Variants in CACNG4 observed in about 807,000 individuals in gnomAD.
The protein encoded by CACNG4 is calcium voltage-gated channel auxiliary subunit gamma 4.
CACNG4 carries 8 observed loss-of-function variants against 22.9 expected under a neutral mutation model. That is an observed-to-expected ratio of 0.35 (90% CI 0.21 to 0.63). The LOEUF (loss-of-function observed/expected upper bound fraction) is 0.63, where lower values mean the gene tolerates loss of function less well. CACNG4 is among the 30% of genes least tolerant of loss of function. The pLI is 0.72. For missense variants in CACNG4, 357 were observed against 455.4 expected, an observed-to-expected ratio of 0.78 and a Z score of 1.97; for synonymous variants, 188 against 191.9, an observed-to-expected ratio of 0.98 and a Z score of 0.17.
chr17:67,005,655 A>G (rs2035433296), intron 1 of CACNG4, among the ~76,000 whole-genome samples: 1 of 152,218 alleles, frequency 6.6e-6, no homozygotes, highest in South Asian at 2.1e-4. Context: ...TGGATTTTGT[A>G]TCAGAGTCCA....
intron 1 of CACNG4, among the ~76,000 whole-genome samples, chr17:67,004,927 T>C (rs1358799175): frequency 6.6e-6 from 1 of 152,158 alleles, no homozygotes; most frequent in African/African-American, 2.4e-5. Context: ...TCTTGCCGTG[T>C]TGTCCGAGCT....
intron 1 of CACNG4, among the ~76,000 whole-genome samples, chr17:67,004,242 T>C (rs1567755691): frequency 6.6e-6 from 1 of 152,190 alleles, no homozygotes; most frequent in Non-Finnish European, 1.5e-5. Flanking sequence ...AATAACTGAA[T>C]ACCCATTCCC....
chr17:67,004,277 G>A (rs719934), intron 1 of CACNG4, among the ~76,000 whole-genome samples: 31,058 of 152,134 alleles, frequency 0.2, 7,378 homozygotes, highest in African/African-American at 0.57. Context: ...AAAAGGAGCG[G>A]TTGGTTGGGG....
chr17:67,007,230 C>A (rs987014551), intron 1 of CACNG4, among the ~76,000 whole-genome samples: 1 of 152,116 alleles, frequency 6.6e-6, no homozygotes, highest in African/African-American at 2.4e-5. Flanking sequence ...CACAAGGCAC[C>A]TCAATGACTC....
intron 1 of CACNG4, among the ~76,000 whole-genome samples, chr17:67,015,822 A>T (rs985734475): frequency 6.6e-6 from 1 of 152,166 alleles, no homozygotes; most frequent in East Asian, 1.9e-4. Flanking sequence ...GCCCAAAAAA[A>T]GGTGTGTGGG....
chr17:66,993,280 G>A (rs1006343296), intron 1 of CACNG4, among the ~76,000 whole-genome samples: 1 of 152,242 alleles, frequency 6.6e-6, no homozygotes, highest in African/African-American at 2.4e-5. Context: ...TGTGAATTAA[G>A]GCTCAGTTGG....
In CACNG4 at chr17:67,027,144, C is replaced by T. The variant is rs2035573024; in HGVS notation, c.445+2144C>T. Among the ~76,000 whole-genome samples, 1 of 152,202 alleles carries T rather than the reference C, an allele frequency of 6.6e-6. No individual in the cohort carries two copies. Among genetic ancestry groups the T allele is most frequent in the African/African-American group, 2.4e-5 (1 of 41,446 alleles). ...GAGGCACACAGGCGGTCCAGCAGCT[C>T]AGGTGGCTTCCTTGAAGTCACACGC... On this transcript the variant is annotated intron_variant, in intron 3 of 3. Coordinates refer to ENST00000262138, the MANE Select transcript of CACNG4 (RefSeq NM_014405.4). This position sits in a 1 kb window ranked among gnomAD's most constrained non-coding sequence, Gnocchi z 4.3.
intron 1 of CACNG4, among the ~76,000 whole-genome samples, chr17:66,988,340 T>C (rs1045155101): frequency 1.3e-5 from 2 of 152,122 alleles, no homozygotes; most frequent in African/African-American, 4.8e-5. Flanking sequence ...ATTGTGTGCA[T>C]GTATCTCATC....
chr17:66,991,244 T>G (rs2035338611), intron 1 of CACNG4, among the ~76,000 whole-genome samples: 1 of 152,068 alleles, frequency 6.6e-6, no homozygotes, highest in East Asian at 1.9e-4. Context: ...CCGTTTCCAC[T>G]GCCCCTTCCC....
Position 67,030,441 on chromosome 17 carries a change from TC to T in CACNG4, c.446-21del, listed in dbSNP as rs1354362936. On this transcript the variant is annotated intron_variant, in intron 3 of 3. Transcript: ENST00000262138. The surrounding 1 kb of genome is among the most constrained non-coding windows in gnomAD (Gnocchi z 6.4). Reference sequence around the variant, plus strand: ...TGCCTCTCTCCCTCCCTGGCCCCGCTCCCCGCTCCCCGCTTCCCTTTCAGGC... The same window carrying T: ...TGCCTCTCTCCCTCCCTGGCCCCGCTCCCGCTCCCCGCTTCCCTTTCAGGC... The T allele has an allele frequency of 1.9e-6, 3 of 1,605,974 alleles. No homozygotes were observed. The highest frequency in any genetic ancestry group is 2.6e-6 in the Non-Finnish European group (3 of 1,174,580).
At position 67,024,716 on chromosome 17, in the gene CACNG4, T is replaced by C; in HGVS notation, c.305-144T>C. 3.2e-6 allele frequency: 3 copies of C among 928,546 alleles called. No individual in the cohort carries two copies. The South Asian group carries it at 7.7e-5, about 24-fold the overall frequency. 57.5% of individuals were successfully genotyped at this position (928,546 alleles called of 1,614,324 possible). A position where few individuals can be genotyped will look rare whatever the true frequency, so the allele number is the denominator to read the frequency against. ...GAGCCTCCCCAGGCACTGGCCCACC[T>C]CGAGTCTCCAGGTCCTGATGGGAAT... On this transcript the variant is annotated intron_variant, in intron 2 of 3. Coordinates refer to ENST00000262138, the MANE Select transcript of CACNG4 (RefSeq NM_014405.4).
chr17:67,019,125 CA>C lies in CACNG4; in HGVS notation c.304+854del, dbSNP rs144048057. 3.1e-3 allele frequency among the ~76,000 whole-genome samples: 471 copies of C among 152,278 alleles called. 1 individual carries two copies. Among genetic ancestry groups the C allele is most frequent in the African/African-American group, 0.01 (435 of 41,564 alleles). On this transcript the variant is annotated intron_variant, in intron 2 of 3. Transcript: ENST00000262138. ...CAGCAGCACCCCTGGGGCTCAGACC[CA>C]GCCTTGTTGATGGAGAATCAATACC...
rs2035569546 is a variant in CACNG4 at position 67,026,678 on chromosome 17, T to C, written c.445+1678T>C. 2.0e-5 allele frequency among the ~76,000 whole-genome samples: 3 copies of C among 150,044 alleles called. No homozygotes were observed. In the South Asian group the frequency reaches 6.4e-4, roughly 32 times the overall value. On this transcript the variant is annotated intron_variant, in intron 3 of 3. Coordinates refer to ENST00000262138, the MANE Select transcript of CACNG4 (RefSeq NM_014405.4). ...GCGTGTGTGTATTTGAGGACTGTGG[T>C]GTGTGTGTGTGAGGACTATGGTATA... is the stretch of plus-strand genomic sequence containing the variant.
intron 1 of CACNG4, among the ~76,000 whole-genome samples, chr17:66,978,550 C>A (rs562936129): frequency 6.6e-6 from 1 of 152,286 alleles, no homozygotes. Context: ...TTTCAGGACA[C>A]CCAGGCTCCC....
intron 2 of CACNG4, among the ~76,000 whole-genome samples, chr17:67,021,090 A>G (rs2035528706): frequency 6.6e-6 from 1 of 152,138 alleles, no homozygotes. Flanking sequence ...AGTCCCAGCT[A>G]TTCAGGAGGC....
In CACNG4 at chr17:66,976,726, CG is replaced by C. The variant is rs1201129349; in HGVS notation, c.220+11597del. On this transcript the variant is annotated intron_variant, in intron 1 of 3. Coordinates refer to ENST00000262138, the MANE Select transcript of CACNG4 (RefSeq NM_014405.4). Reference sequence around the variant, plus strand: ...TGTGAAAGTGCTGTGAGAAGCACAGCGGCCGTGCTCCCACAGAGGCACCACA... The same window carrying C: ...TGTGAAAGTGCTGTGAGAAGCACAGCGCCGTGCTCCCACAGAGGCACCACA... Among the ~76,000 whole-genome samples, 27 of 152,246 alleles carry C rather than the reference CG, an allele frequency of 1.8e-4. No individual in the cohort carries two copies. In the East Asian group the frequency reaches 5.0e-3, roughly 28 times the overall value.
Position 67,032,417 on chromosome 17 carries a change from A to C in CACNG4, c.*1413A>C. On this transcript the variant is annotated 3_prime_UTR_variant, in exon 4 of 4. Coordinates refer to ENST00000262138, the MANE Select transcript of CACNG4 (RefSeq NM_014405.4). ...GAAAAATTGTTTCTTATTTTTTGAG[A>C]CTCCTTGATCCACCCTGGAACAGTC... 1 of 197,814 alleles carries C rather than the reference A, an allele frequency of 5.1e-6. No individual in the cohort carries two copies. The highest frequency in any genetic ancestry group is 1.0e-5 in the Non-Finnish European group (1 of 95,736). 12.3% of individuals were successfully genotyped at this position (197,814 alleles called of 1,614,324 possible).
intron 2 of CACNG4, among the ~76,000 whole-genome samples, chr17:67,023,638 C>T (rs1416776229): frequency 3.4e-5 from 5 of 148,858 alleles, no homozygotes; most frequent in African/African-American, 1.2e-4. Flanking sequence ...ATGGCGCAAT[C>T]TCAGCTCACT....
chr17:67,028,099 G>A (rs2035579069), intron 3 of CACNG4, among the ~76,000 whole-genome samples: 1 of 152,172 alleles, frequency 6.6e-6, no homozygotes, highest in African/African-American at 2.4e-5. Context: ...GAACACAACA[G>A]AAGAGACAAG....
Sources: gnomAD v4.1 joint callset for allele counts (sites outside exome capture counted in the v4.1 genomes callset) on GRCh38, gnomAD v4.1.1 for gene constraint, Gnocchi (gnomAD v3.1) non-coding constraint, MANE v1.5 for transcripts, NCBI Gene and HGNC (gene_info 2026-07-23, HGNC 2026-07-21) for gene names.